TICAM2: variants seen among roughly 807,000 people sequenced by gnomAD.
The protein encoded by TICAM2 is TIR domain containing adaptor molecule 2.
Under a neutral mutation model 7.3 loss-of-function variants are expected in TICAM2, and 8 were observed. That is an observed-to-expected ratio of 1.10 (90% CI 0.65 to 1.99). The LOEUF (loss-of-function observed/expected upper bound fraction) is 1.99, where lower values mean the gene tolerates loss of function less well. TICAM2 is among the 30% of genes most tolerant of loss of function. The pLI is 0.00. For synonymous variants in TICAM2, 113 were observed against 99.6 expected (o/e 1.13, Z -0.80); for missense variants, 304 against 278.8 (o/e 1.09, Z -0.65).
chr5:115,595,102 T>C (rs903025942), intron 1 of TICAM2, among the ~76,000 whole-genome samples: 3 of 152,166 alleles, frequency 2.0e-5, no homozygotes, highest in Non-Finnish European at 4.4e-5. Context: ...AGTCATTCCC[T>C]CTGTTGACCA....
intron 1 of TICAM2, among the ~76,000 whole-genome samples, chr5:115,593,432 C>A (rs896728569): frequency 2.6e-5 from 4 of 151,624 alleles, no homozygotes; most frequent in Non-Finnish European, 4.4e-5. Context: ...TCCAATAGAT[C>A]AAAAAATATC....
At chr5:115,587,353 T>C (rs188599694) in intron 1 of TICAM2, among the ~76,000 whole-genome samples, 3 of 152,314 alleles carry the variant, frequency 2.0e-5, no homozygotes, top group East Asian at 1.9e-4. Context: ...TTGTACCTTT[T>C]AGAGAGAAGG....
At position 115,602,190 on chromosome 5, in the gene TICAM2, GCGTCGAGAGTTTGGGGC is replaced by G. The variant is rs1468437150; in HGVS notation, c.-170_-154del. The G allele has an allele frequency of 2.6e-5, 4 of 152,392 alleles. No homozygotes were observed. Among genetic ancestry groups the G allele is most frequent in the African/African-American group, 9.6e-5 (4 of 41,470 alleles). The allele number at this position is 152,392 out of a possible 1,614,324, so 9.4% of individuals were successfully genotyped here. A position where few individuals can be genotyped will look rare whatever the true frequency, so the allele number is the denominator to read the frequency against. On this transcript the variant is annotated 5_prime_UTR_variant, in exon 1 of 2. Coordinates refer to ENST00000427199, the MANE Select transcript of TICAM2 (RefSeq NM_021649.7). ...CCAGGGGGTGGGCGTCTTGCCCCGG[GCGTCGAGAGTTTGGGGC>G]CGTCCCGTACGCGGCGCGCCGCAAC...
rs533781816 is a variant in TICAM2 at position 115,585,872 on chromosome 5, C to T, written c.-59-4557G>A. Reference sequence around the variant, plus strand: ...AGGAAGGGAAGGGTGGAAGCAGGAACACTAGTTAGGAGTCTGTTGCAGAAA... The same window carrying T: ...AGGAAGGGAAGGGTGGAAGCAGGAATACTAGTTAGGAGTCTGTTGCAGAAA... On this transcript the variant is annotated intron_variant, in intron 1 of 1. Coordinates refer to ENST00000427199, the MANE Select transcript of TICAM2 (RefSeq NM_021649.7). Among the ~76,000 whole-genome samples the T allele has an allele frequency of 5.9e-5, 9 of 152,280 alleles. No individual in the cohort carries two copies. The South Asian group carries it at 1.9e-3, about 32-fold the overall frequency.
intron 1 of TICAM2, among the ~76,000 whole-genome samples, chr5:115,589,059 A>T (rs564760575): frequency 6.6e-6 from 1 of 152,364 alleles, no homozygotes; most frequent in South Asian, 2.1e-4. Context: ...TTGATACAAC[A>T]TCCAAAACAA....
chr5:115,579,429 G>A lies in TICAM2; in HGVS notation c.*1120C>T, dbSNP rs1046103282. Reference sequence around the variant, plus strand: ...GACTAGAACCAAGTCTCATGATCCCGAAGAGGGCTTTTCTCATTACATGAC... The same window carrying A: ...GACTAGAACCAAGTCTCATGATCCCAAAGAGGGCTTTTCTCATTACATGAC... On this transcript the variant is annotated 3_prime_UTR_variant, in exon 2 of 2. Coordinates refer to ENST00000427199, the MANE Select transcript of TICAM2 (RefSeq NM_021649.7). 1.3e-5 allele frequency: 2 copies of A among 152,142 alleles called. No homozygotes were observed. Among genetic ancestry groups the A allele is most frequent in the African/African-American group, 2.4e-5 (1 of 41,400 alleles). 9.4% of individuals were successfully genotyped at this position (152,142 alleles called of 1,614,324 possible). A position where few individuals can be genotyped will look rare whatever the true frequency, so the allele number is the denominator to read the frequency against.
rs1755780950 is a variant in TICAM2 at position 115,602,114 on chromosome 5, C to T, written c.-77G>A. On this transcript the variant is annotated 5_prime_UTR_variant, in exon 1 of 2. Transcript: ENST00000427199. Reference sequence around the variant, plus strand: ...GTACTTGCCTGCAGGCGAGCGCCACCACAGTCAGCCCGCGGCTTTTCTGTC... The same window carrying T: ...GTACTTGCCTGCAGGCGAGCGCCACTACAGTCAGCCCGCGGCTTTTCTGTC... 1 of 152,214 alleles carries T rather than the reference C, an allele frequency of 6.6e-6. No individual in the cohort carries two copies. The highest frequency in any genetic ancestry group is 2.1e-4 in the South Asian group (1 of 4,820). The allele number at this position is 152,214 out of a possible 1,614,324, so 9.4% of individuals were successfully genotyped here.
At chr5:115,601,952 G>A (rs950988208) in intron 1 of TICAM2, 145 bp downstream of exon 1, 1 of 152,220 alleles carries the variant, frequency 6.6e-6, no homozygotes, top group Non-Finnish European at 1.5e-5. Context: ...GGACAACAGC[G>A]CCAGCACCCG....
chr5:115,580,573 C>T lies in TICAM2; in HGVS notation c.684G>A (p.Met228Ile). ...CTCAGGCAATAAATTGTCTTTGTAC[C>T]ATATTTCTTGTCTCTTTCCATATAG... ...QQTIWKETRN[M>I]VQRQFIA is the part of the protein sequence containing the mutation. The change falls in exon 2 of 2, where the codon ATG becomes ATA. Residue 228 changes from methionine to isoleucine, a missense_variant. Met to Ile is a conservative substitution (Grantham distance 10). Coordinates refer to ENST00000427199, the MANE Select transcript of TICAM2 (RefSeq NM_021649.7). 1 of 1,597,648 alleles carries T rather than the reference C, an allele frequency of 6.3e-7. No individual in the cohort carries two copies.
rs1052168069 is a variant in TICAM2 at position 115,579,059 on chromosome 5, C to T, written c.*1490G>A. The T allele has an allele frequency of 6.6e-6, 1 of 152,570 alleles. No individual in the cohort carries two copies. Among genetic ancestry groups the T allele is most frequent in the Non-Finnish European group, 1.5e-5 (1 of 68,024 alleles). The allele number at this position is 152,570 out of a possible 1,614,324, so 9.5% of individuals were successfully genotyped here. A position where few individuals can be genotyped will look rare whatever the true frequency, so the allele number is the denominator to read the frequency against. ...AAAGAAATTAAGCAAAATGTCTTTA[C>T]TCAAGGATCTCTATAAAAATTTATT... On this transcript the variant is annotated 3_prime_UTR_variant, in exon 2 of 2. Coordinates refer to ENST00000427199, the MANE Select transcript of TICAM2 (RefSeq NM_021649.7).
chr5:115,602,185 C>T lies in TICAM2; in HGVS notation c.-148G>A, dbSNP rs1405574761. On this transcript the variant is annotated 5_prime_UTR_variant, in exon 1 of 2. Coordinates refer to ENST00000427199, the MANE Select transcript of TICAM2 (RefSeq NM_021649.7). ...AGCGCCCAGGGGGTGGGCGTCTTGCCCCGGGCGTCGAGAGTTTGGGGCCGT... is the reference window on the plus strand; with the variant it reads ...AGCGCCCAGGGGGTGGGCGTCTTGCTCCGGGCGTCGAGAGTTTGGGGCCGT... The T allele has an allele frequency of 2.6e-5, 4 of 152,366 alleles. No individual in the cohort carries two copies. The highest frequency in any genetic ancestry group is 5.9e-5 in the Non-Finnish European group (4 of 68,158). The allele number at this position is 152,366 out of a possible 1,614,324, so 9.4% of individuals were successfully genotyped here.
chr5:115,596,746 C>T (rs1263748363), intron 1 of TICAM2, among the ~76,000 whole-genome samples: 3 of 152,000 alleles, frequency 2.0e-5, no homozygotes, highest in South Asian at 2.1e-4. Flanking sequence ...GGTGAAACCC[C>T]GTCTCTACTA....
chr5:115,597,101 C>T (rs974649666), intron 1 of TICAM2, among the ~76,000 whole-genome samples: 1 of 152,224 alleles, frequency 6.6e-6, no homozygotes, highest in Non-Finnish European at 1.5e-5. Flanking sequence ...TGTAAACCTC[C>T]TCATTTTTAC....
Position 115,580,588 on chromosome 5 carries a change from T to C in TICAM2, c.669A>G (p.Lys223=). 1.9e-6 allele frequency: 3 copies of C among 1,600,712 alleles called. No homozygotes were observed. Among genetic ancestry groups the C allele is most frequent in the African/African-American group, 1.3e-5 (1 of 74,082 alleles). The change falls in exon 2 of 2, where the codon AAA becomes AAG. Residue 223 remains lysine (K), a synonymous_variant. Coordinates refer to ENST00000427199, the MANE Select transcript of TICAM2 (RefSeq NM_021649.7). ...SVYKTQQTIW[K]ETRNMVQRQF... is the part of the protein sequence containing the mutation. ...GTCTTTGTACCATATTTCTTGTCTCTTTCCATATAGTTTGTTGTGTCTTAT... is the reference window on the plus strand; with the variant it reads ...GTCTTTGTACCATATTTCTTGTCTCCTTCCATATAGTTTGTTGTGTCTTAT...
At position 115,579,691 on chromosome 5, in the gene TICAM2, G is replaced by A. The variant is rs866807022; in HGVS notation, c.*858C>T. 2.0e-5 allele frequency: 3 copies of A among 152,178 alleles called. No individual in the cohort carries two copies. Among genetic ancestry groups the A allele is most frequent in the African/African-American group, 7.2e-5 (3 of 41,440 alleles). The allele number at this position is 152,178 out of a possible 1,614,324, so 9.4% of individuals were successfully genotyped here. On this transcript the variant is annotated 3_prime_UTR_variant, in exon 2 of 2. Transcript: ENST00000427199. ...GTCAGGCTACTTTGAAGACCTAAATGAGAAATACTTCCTGAGAAGAGAATT... is the reference window on the plus strand; with the variant it reads ...GTCAGGCTACTTTGAAGACCTAAATAAGAAATACTTCCTGAGAAGAGAATT...
chr5:115,586,418 G>GAA (rs3072127), intron 1 of TICAM2, among the ~76,000 whole-genome samples: 125 of 133,394 alleles, frequency 9.4e-4, no homozygotes, highest in South Asian at 1.4e-3. Flanking sequence ...TAGAGTGTTG[G>GAA]AAAAAAAAAA....
At chr5:115,583,137 T>G (rs1754987624) in intron 1 of TICAM2, among the ~76,000 whole-genome samples, 1 of 152,218 alleles carries the variant, frequency 6.6e-6, no homozygotes. Context: ...TGACTTTTGT[T>G]ACTGCATCGT....
At position 115,580,899 on chromosome 5, in the gene TICAM2, G is replaced by A; in HGVS notation, c.358C>T (p.Gln120Ter). 1.9e-6 allele frequency: 3 copies of A among 1,613,760 alleles called. No individual in the cohort carries two copies. Among genetic ancestry groups the A allele is most frequent in the South Asian group, 1.1e-5 (1 of 91,038 alleles). Residue 120 changes from glutamine to a stop codon, truncating the protein, a stop_gained, in exon 2 of 2, where the codon CAG becomes TAG. Transcript: ENST00000427199. LOFTEE classifies it high-confidence loss of function. ...GCATCATCTAAATTCTGTAAATGCTGTCTGCCACATGGCATCTCAGCAAAG... is the reference window on the plus strand; with the variant it reads ...GCATCATCTAAATTCTGTAAATGCTATCTGCCACATGGCATCTCAGCAAAG... ...IIFAEMPCGR[Q>*]HLQNLDDAVN...
intron 1 of TICAM2, among the ~76,000 whole-genome samples, chr5:115,590,272 T>A (rs1320259148): frequency 6.6e-6 from 1 of 152,120 alleles, no homozygotes; most frequent in Non-Finnish European, 1.5e-5. Context: ...ATTGCACCAC[T>A]GCACTCTAGT....
Sources: gnomAD v4.1 joint callset for allele counts (sites outside exome capture counted in the v4.1 genomes callset) on GRCh38, gnomAD v4.1.1 for gene constraint, MANE v1.5 for transcripts, NCBI Gene and HGNC (gene_info 2026-07-23, HGNC 2026-07-21) for gene names.